The following SUSD5 variants were observed in gnomAD, a reference collection of about 807,000 sequenced individuals.
The protein encoded by SUSD5 is sushi domain-containing protein 5.
Under a neutral mutation model 29.5 loss-of-function variants are expected in SUSD5, and 33 were observed. The ratio of observed to expected loss-of-function variants is 1.12; its 90% CI spans 0.85 to 1.49. The LOEUF (loss-of-function observed/expected upper bound fraction) is 1.49. Ranked by LOEUF, SUSD5 falls within the 40% of genes most tolerant of loss-of-function variation. The pLI is 0.00. For missense variants in SUSD5, 776 were observed against 800.6 expected (o/e 0.97, Z 0.37); for synonymous variants, 308 against 325.3 (o/e 0.95, Z 0.57).
intron 2 of SUSD5, among the ~76,000 whole-genome samples, chr3:33,211,942 T>C (rs2032331081): frequency 6.6e-6 from 1 of 152,166 alleles, no homozygotes; most frequent in Admixed American, 6.5e-5. Flanking sequence ...TCTAGTTTTA[T>C]TCTTCTGCAT....
chr3:33,178,200 G>T (rs1442259707), intron 3 of SUSD5, among the ~76,000 whole-genome samples: 2 of 152,106 alleles, frequency 1.3e-5, no homozygotes, highest in Non-Finnish European at 2.9e-5. Context: ...TATCATGAAT[G>T]GGTGTTGGAT....
chr3:33,206,412 A>T (rs1274930192), intron 3 of SUSD5, among the ~76,000 whole-genome samples: 4 of 148,566 alleles, frequency 2.7e-5, no homozygotes, highest in African/African-American at 7.5e-5. Context: ...AATTTACTTG[A>T]GTGTGTGTGT....
Position 33,183,930 on chromosome 3 carries a change from C to CTTTTTTTTTTTTTTTTTTTTTTTTTTT in SUSD5, c.410-8857_410-8856insAAAAAAAAAAAAAAAAAAAAAAAAAAA, listed in dbSNP as rs68055129. ...AACACTTTAAATATTTTATTACCCT[C>CTTTTTTTTTTTTTTTTTTTTTTTTTTT]TTTTTTTTTTTTTTTTTTTTTTTTT... On this transcript the variant is annotated intron_variant, in intron 3 of 4. Coordinates refer to ENST00000309558, the MANE Select transcript of SUSD5 (RefSeq NM_015551.2). Among the ~76,000 whole-genome samples the CTTTTTTTTTTTTTTTTTTTTTTTTTTT allele has an allele frequency of 1.9e-3, 119 of 62,600 alleles. 15 individuals are homozygous for CTTTTTTTTTTTTTTTTTTTTTTTTTTT. Among genetic ancestry groups the CTTTTTTTTTTTTTTTTTTTTTTTTTTT allele is most frequent in the African/African-American group, 4.1e-3 (54 of 13,312 alleles). The allele number at this position is 62,600 out of a possible 152,430, so 41.1% of individuals were successfully genotyped here.
Position 33,166,119 on chromosome 3 carries a change from T to C in SUSD5, c.598+8767A>G, listed in dbSNP as rs1023041962. ...CTGCTGCTGGTATTCCAATTAAGAA[T>C]TCACTCTGGGACGGACAGTTAGCAT... is the stretch of plus-strand genomic sequence containing the variant. On this transcript the variant is annotated intron_variant, in intron 4 of 4. Transcript: ENST00000309558. Among the ~76,000 whole-genome samples, 8 of 152,248 alleles carry C rather than the reference T, an allele frequency of 5.3e-5. No individual in the cohort carries two copies. In the East Asian group the frequency reaches 1.3e-3, roughly 26 times the overall value.
At chr3:33,190,465 T>C (rs1297067326) in intron 3 of SUSD5, 1 of 152,332 alleles carries the variant, frequency 6.6e-6, no homozygotes, top group African/African-American at 2.4e-5. Context: ...TTTCTCCTTA[T>C]CAACAAATAT....
intron 4 of SUSD5, among the ~76,000 whole-genome samples, chr3:33,155,417 C>T (rs1267300758): frequency 1.3e-5 from 2 of 152,120 alleles, no homozygotes; most frequent in African/African-American, 4.8e-5. Flanking sequence ...ATTAAACAGA[C>T]CGACAATATC....
intron 3 of SUSD5, among the ~76,000 whole-genome samples, chr3:33,184,588 C>T (rs2031740941): frequency 6.6e-6 from 1 of 151,892 alleles, no homozygotes. Flanking sequence ...CCCCATAGTT[C>T]TTGGATATTC....
At chr3:33,159,308 G>A (rs2031124586) in intron 4 of SUSD5, among the ~76,000 whole-genome samples, 1 of 152,144 alleles carries the variant, frequency 6.6e-6, no homozygotes, top group Non-Finnish European at 1.5e-5. Flanking sequence ...ATAACCAACA[G>A]CTAAAAAGAA....
chr3:33,198,419 G>C (rs1365846590), intron 3 of SUSD5, among the ~76,000 whole-genome samples: 2 of 152,198 alleles, frequency 1.3e-5, no homozygotes, highest in Non-Finnish European at 2.9e-5. Flanking sequence ...AGAACACCAT[G>C]GTTTAGCTCT....
chr3:33,171,398 C>T (rs1205654199), intron 4 of SUSD5, among the ~76,000 whole-genome samples: 4 of 151,564 alleles, frequency 2.6e-5, no homozygotes, highest in Admixed American at 1.3e-4. Context: ...GTCAAGAAAA[C>T]GGTTTTCTCT....
intron 4 of SUSD5, among the ~76,000 whole-genome samples, chr3:33,162,944 G>C (rs907043486): frequency 6.7e-6 from 1 of 148,346 alleles, no homozygotes; most frequent in African/African-American, 2.5e-5. Context: ...TTATGTCCAG[G>C]AAACTAAAAA....
intron 1 of SUSD5, 68 bp from the exon 2 acceptor site, chr3:33,214,173 C>A: frequency 6.8e-7 from 1 of 1,472,434 alleles, no homozygotes; most frequent in Non-Finnish European, 9.1e-7. Context: ...CAGCAAACAT[C>A]CTCTGGCAGA....
At chr3:33,181,254 CACATTCACTGA>C (rs1364839916) in intron 3 of SUSD5, among the ~76,000 whole-genome samples, 1 of 151,956 alleles carries the variant, frequency 6.6e-6, no homozygotes, top group Non-Finnish European at 1.5e-5. Context: ...CCTAGGCCTT[CACATTCACTGA>C]ACATTCATTC....
At position 33,150,325 on chromosome 3, in the gene SUSD5, A is replaced by G. The variant is rs1309501850; in HGVS notation, c.*2417T>C. 6.6e-6 allele frequency: 1 copy of G among 152,142 alleles called. No individual in the cohort carries two copies. Among genetic ancestry groups the G allele is most frequent in the East Asian group, 1.9e-4 (1 of 5,196 alleles). The allele number at this position is 152,142 out of a possible 1,614,324, so 9.4% of individuals were successfully genotyped here. On this transcript the variant is annotated 3_prime_UTR_variant, in exon 5 of 5. Coordinates refer to ENST00000309558, the MANE Select transcript of SUSD5 (RefSeq NM_015551.2). ...ACATTTACCTGTATTAATAATTTGT[A>G]ATAAATTTATTAATACACTGTATTA...
At chr3:33,158,313 A>G (rs2031100475) in intron 4 of SUSD5, among the ~76,000 whole-genome samples, 1 of 152,188 alleles carries the variant, frequency 6.6e-6, no homozygotes, top group Admixed American at 6.5e-5. Context: ...TGAAGGACCA[A>G]TTGAATACAA....
At chr3:33,185,193 G>A (rs911455695) in intron 3 of SUSD5, among the ~76,000 whole-genome samples, 1 of 152,134 alleles carries the variant, frequency 6.6e-6, no homozygotes, top group African/African-American at 2.4e-5. Flanking sequence ...AGCTGGAGTT[G>A]GGAATTTCCC....
At chr3:33,183,493 C>T (rs535094508) in intron 3 of SUSD5, among the ~76,000 whole-genome samples, 1 of 152,228 alleles carries the variant, frequency 6.6e-6, no homozygotes, top group Non-Finnish European at 1.5e-5. Flanking sequence ...TCAAATAACA[C>T]TATACTATAC....
At chr3:33,192,259 T>C (rs1170776014) in intron 3 of SUSD5, among the ~76,000 whole-genome samples, 1 of 150,162 alleles carries the variant, frequency 6.7e-6, no homozygotes, top group Non-Finnish European at 1.5e-5. Flanking sequence ...CTTTTTTTTT[T>C]TTTTGTATTT....
At chr3:33,161,984 T>C (rs1363715189) in intron 4 of SUSD5, among the ~76,000 whole-genome samples, 2 of 152,140 alleles carry the variant, frequency 1.3e-5, no homozygotes, top group African/African-American at 4.8e-5. Context: ...TATGACTTCT[T>C]TGAAATGTGT....
Sources: allele counts gnomAD v4.1 joint callset (sites outside exome capture counted in the v4.1 genomes callset), GRCh38; gene constraint gnomAD v4.1.1; transcripts MANE v1.5; gene names NCBI Gene and HGNC (gene_info 2026-07-23, HGNC 2026-07-21).